SLC66A2: variants seen among roughly 807,000 people sequenced by gnomAD.
SLC66A2 encodes PQ loop repeat containing 1.
Under a neutral mutation model 25.5 loss-of-function variants are expected in SLC66A2, and 23 were observed. That is an observed-to-expected ratio of 0.90 (90% CI 0.65 to 1.28). The LOEUF (loss-of-function observed/expected upper bound fraction) is 1.28, where lower values mean the gene tolerates loss of function less well. Among genes scored for constraint, SLC66A2 ranks in the 50% most tolerant of loss-of-function variants. The pLI, the probability that SLC66A2 is intolerant of heterozygous loss-of-function variation, is 0.00. For synonymous variants in SLC66A2, 193 were observed against 166.5 expected (o/e 1.16, Z -1.23); for missense variants, 396 against 373.1 (o/e 1.06, Z -0.51).
rs536376196 is a variant in SLC66A2 at position 79,904,287 on chromosome 18, G to A, written c.609-104C>T. ...GACAGCGGGGAGACCTGGGGCTCAG[G>A]GGCACCCAGGGGGCTAAGGGGACCC... On this transcript the variant is annotated intron_variant, in intron 5 of 5. Transcript: ENST00000397778. This position sits in a 1 kb window ranked among gnomAD's most constrained non-coding sequence, Gnocchi z 6.3. 3.9e-6 allele frequency: 4 copies of A among 1,030,224 alleles called. No homozygotes were observed. The East Asian group carries it at 1.0e-4, about 26-fold the overall frequency. 63.8% of individuals were successfully genotyped at this position (1,030,224 alleles called of 1,614,324 possible).
At chr18:79,914,724 T>A (rs1983738333) in intron 5 of SLC66A2, among the ~76,000 whole-genome samples, 2 of 152,148 alleles carry the variant, frequency 1.3e-5, no homozygotes, top group Non-Finnish European at 2.9e-5. Context: ...CAGGCTGCAG[T>A]GCCAAGGGAG....
rs184830677 is a variant in SLC66A2, at chr18:79,930,870, T to A, written c.391+3099A>T. On this transcript the variant is annotated intron_variant, in intron 4 of 5. Coordinates refer to ENST00000397778, the MANE Select transcript of SLC66A2 (RefSeq NM_025078.5). Reference sequence around the variant, plus strand: ...ACATAAAATGTATATAAAGGAACAATCAGAAAAATATATTGTTAGGTTGTA... The same window carrying A: ...ACATAAAATGTATATAAAGGAACAAACAGAAAAATATATTGTTAGGTTGTA... 8.5e-5 allele frequency among the ~76,000 whole-genome samples: 13 copies of A among 152,282 alleles called. No individual in the cohort carries two copies. The East Asian group carries it at 1.2e-3, about 14-fold the overall frequency.
At position 79,908,569 on chromosome 18, in the gene SLC66A2, G is replaced by A. The variant is rs1334289748; in HGVS notation, c.609-4386C>T. Reference sequence around the variant, plus strand: ...ATGTTTGTCTTTCACCAAATTTTGGGTGTTTTCAGCCCTTATTTCTTCAGC... The same window carrying A: ...ATGTTTGTCTTTCACCAAATTTTGGATGTTTTCAGCCCTTATTTCTTCAGC... On this transcript the variant is annotated intron_variant, in intron 5 of 5. Coordinates refer to ENST00000397778, the MANE Select transcript of SLC66A2 (RefSeq NM_025078.5). 1.3e-5 allele frequency among the ~76,000 whole-genome samples: 2 copies of A among 152,200 alleles called. 1 individual carries two copies. Among genetic ancestry groups the A allele is most frequent in the South Asian group, 4.1e-4 (2 of 4,828 alleles).
At chr18:79,923,222 G>A (rs1360911170) in intron 4 of SLC66A2, among the ~76,000 whole-genome samples, 7 of 109,708 alleles carry the variant, frequency 6.4e-5, no homozygotes, top group African/African-American at 2.2e-4. Flanking sequence ...GGACGGTGAG[G>A]GGGTGGATGG....
In SLC66A2 at chr18:79,917,808, G is replaced by A. The variant is rs1568304500; in HGVS notation, c.608+1376C>T. Among the ~76,000 whole-genome samples, 2 of 151,156 alleles carry A rather than the reference G, an allele frequency of 1.3e-5. 1 individual carries two copies. The highest frequency in any genetic ancestry group is 3.0e-5 in the Non-Finnish European group (2 of 67,720). ...TGATTCACTGTAATCACACCAACCA[G>A]GGCAGCCCAATCCCCACCTGCACCC... On this transcript the variant is annotated intron_variant, in intron 5 of 5. Transcript: ENST00000397778. The surrounding 1 kb of genome is among the most constrained non-coding windows in gnomAD (Gnocchi z 6.0).
intron 4 of SLC66A2, among the ~76,000 whole-genome samples, chr18:79,928,750 C>T (rs1055431631): frequency 1.3e-5 from 2 of 152,108 alleles, no homozygotes; most frequent in East Asian, 1.9e-4. Flanking sequence ...GGCGGGCACC[C>T]GAGCTCTTCA....
chr18:79,945,998 G>T (rs1035634996), intron 2 of SLC66A2, among the ~76,000 whole-genome samples: 7 of 152,260 alleles, frequency 4.6e-5, no homozygotes, highest in Admixed American at 6.5e-5. Flanking sequence ...CAATGAGGCT[G>T]CACGTGAGCC....
chr18:79,919,348 C>T lies in SLC66A2; in HGVS notation c.444G>A (p.Gln148=), dbSNP rs773053503. 1.9e-6 allele frequency: 3 copies of T among 1,613,310 alleles called. No homozygotes were observed. The highest frequency in any genetic ancestry group is 2.5e-6 in the Non-Finnish European group (3 of 1,180,028). The change falls in exon 5 of 6, where the codon CAG becomes CAA. Residue 148 remains glutamine (Q), a synonymous_variant. Transcript: ENST00000397778. ...CCACGCCCGTGAAGGCCAGGACGCA[C>T]TGCACGTAGTCCGAGAAGCTGCTCC... ...WQWSSFSDYV[Q]CVLAFTGVAG... is the part of the protein sequence containing the mutation.
chr18:79,950,993 T>C lies in SLC66A2; in HGVS notation c.-67A>G. 1 of 1,262,138 alleles carries C rather than the reference T, an allele frequency of 7.9e-7. No individual in the cohort carries two copies. Among genetic ancestry groups the C allele is most frequent in the South Asian group, 1.8e-5 (1 of 56,318 alleles). 78.2% of individuals were successfully genotyped at this position (1,262,138 alleles called of 1,614,324 possible). A position where few individuals can be genotyped will look rare whatever the true frequency, so the allele number is the denominator to read the frequency against. On this transcript the variant is annotated 5_prime_UTR_variant, in exon 2 of 6. It removes an upstream start codon present in the reference 5' UTR. Coordinates refer to ENST00000397778, the MANE Select transcript of SLC66A2 (RefSeq NM_025078.5). ...CCGCGGGCCACCGGCCGCCTGCTCA[T>C]CGCCGCTCCGCGCGCTCCTGCGGCC... is the stretch of plus-strand genomic sequence containing the variant.
intron 2 of SLC66A2, among the ~76,000 whole-genome samples, chr18:79,945,387 G>GACAAGCTGCACCTCACC (rs1175513295): frequency 6.6e-6 from 1 of 152,154 alleles, no homozygotes; most frequent in Non-Finnish European, 1.5e-5. Context: ...CAGGCAAGCA[G>GACAAGCTGCACCTCACC]ACAAGCTGCA....
chr18:79,949,242 T>C (rs1020615113), intron 2 of SLC66A2, among the ~76,000 whole-genome samples: 1 of 152,032 alleles, frequency 6.6e-6, no homozygotes, highest in Non-Finnish European at 1.5e-5. Context: ...AGGGCTGGGA[T>C]GAAGGCCACG....
In SLC66A2 at chr18:79,934,035, A is replaced by C; in HGVS notation, c.338-13T>G. The stretch of plus-strand genomic sequence containing the variant: ...TTGCTATCTGCAGCTACACGTTAAA[A>C]AGGGAGACAGAAACAGAAAGGGGAA... On this transcript the variant is annotated splice_polypyrimidine_tract_variant and intron_variant, in intron 3 of 5. Coordinates refer to ENST00000397778, the MANE Select transcript of SLC66A2 (RefSeq NM_025078.5). The C allele has an allele frequency of 6.2e-7, 1 of 1,610,370 alleles. No homozygotes were observed. The highest frequency in any genetic ancestry group is 8.5e-7 in the Non-Finnish European group (1 of 1,178,444).
chr18:79,917,996 G>A lies in SLC66A2; in HGVS notation c.608+1188C>T, dbSNP rs748995839. On this transcript the variant is annotated intron_variant, in intron 5 of 5. Coordinates refer to ENST00000397778, the MANE Select transcript of SLC66A2 (RefSeq NM_025078.5). This position sits in a 1 kb window ranked among gnomAD's most constrained non-coding sequence, Gnocchi z 6.0. ...GCCTATGTCCCACACCCACACCTAC[G>A]CCACACACCTGTAACTGCAACCCAC... Among the ~76,000 whole-genome samples, 52 of 151,224 alleles carry A rather than the reference G, an allele frequency of 3.4e-4. No homozygotes were observed. Among genetic ancestry groups the A allele is most frequent in the African/African-American group, 6.3e-4 (26 of 41,054 alleles).
intron 4 of SLC66A2, among the ~76,000 whole-genome samples, chr18:79,930,635 GCCTTTAACATAAAGAAATGTA>G (rs1199618725): frequency 1.1e-4 from 17 of 152,084 alleles, no homozygotes; most frequent in Non-Finnish European, 2.5e-4. Flanking sequence ...TTGTTTGGGG[GCCTTTAACATAAAGAAATGTA>G]ATATATTTGA....
At chr18:79,951,212 G>A (rs1299978582) in intron 1 of SLC66A2, among the ~76,000 whole-genome samples, 187 bp from the exon 2 acceptor site, 1 of 151,794 alleles carries the variant, frequency 6.6e-6, no homozygotes, top group African/African-American at 2.4e-5. Context: ...GCTCCCGGAG[G>A]GGGCTGGGGA....
chr18:79,947,505 C>G (rs1349918421), intron 2 of SLC66A2, among the ~76,000 whole-genome samples: 1 of 151,646 alleles, frequency 6.6e-6, no homozygotes, highest in Non-Finnish European at 1.5e-5. Flanking sequence ...GCCCCAACAG[C>G]TTTGGAGGCG....
At chr18:79,944,059 G>GT (rs1987957370) in intron 2 of SLC66A2, 1 of 157,518 alleles carries the variant, frequency 6.3e-6, no homozygotes, top group African/African-American at 2.4e-5. Flanking sequence ...GGGAGGGGCC[G>GT]TAAGACCCCC....
In SLC66A2 at chr18:79,951,626, T is replaced by G. The variant is rs1435153811; in HGVS notation, c.-145A>C. ...CCAGCGCCCCGCGTCCCCGCGCCGC[T>G]GACCCGCGCGCGTCTCGGCGTCAGT... On this transcript the variant is annotated 5_prime_UTR_variant, in exon 1 of 6. Transcript: ENST00000397778. 2 of 151,418 alleles carry G rather than the reference T, an allele frequency of 1.3e-5. No homozygotes were observed. The highest frequency in any genetic ancestry group is 1.3e-4 in the Admixed American group (2 of 15,126). The allele number at this position is 151,418 out of a possible 1,614,324, so 9.4% of individuals were successfully genotyped here.
At chr18:79,947,088 C>T (rs1301251383) in intron 2 of SLC66A2, among the ~76,000 whole-genome samples, 1 of 152,190 alleles carries the variant, frequency 6.6e-6, no homozygotes, top group African/African-American at 2.4e-5. Context: ...TTTCATTCCT[C>T]CATCTAAGAG....
Sources: allele counts gnomAD v4.1 joint callset (sites outside exome capture counted in the v4.1 genomes callset), GRCh38; gene constraint gnomAD v4.1.1; non-coding constraint Gnocchi (gnomAD v3.1); transcripts MANE v1.5; gene names NCBI Gene and HGNC (gene_info 2026-07-23, HGNC 2026-07-21).